NLGN1: variants seen among roughly 807,000 people sequenced by gnomAD.
NLGN1 encodes neuroligin 1.
A neutral mutation model predicts 65.5 loss-of-function variants in NLGN1; 12 were observed. The observed-to-expected ratio is 0.18, with a 90% CI of 0.12 to 0.30. The LOEUF is 0.30. Ranked by LOEUF, NLGN1 falls within the 10% of genes least tolerant of loss-of-function variation. NLGN1 has a pLI of 1.00. For missense variants in NLGN1, 750 were observed against 1,007.1 expected (o/e 0.74, Z 3.46); for synonymous variants, 350 against 359.5 (o/e 0.97, Z 0.30).
intron 4 of NLGN1, among the ~76,000 whole-genome samples, chr3:174,069,460 G>A (rs1580122944): frequency 6.6e-6 from 1 of 152,314 alleles, no homozygotes; most frequent in African/African-American, 2.4e-5. Flanking sequence ...GATGATCATA[G>A]TGGGAATGAT....
intron 4 of NLGN1, among the ~76,000 whole-genome samples, chr3:173,997,223 G>A (rs999552610): frequency 6.6e-6 from 1 of 151,974 alleles, no homozygotes; most frequent in Admixed American, 6.6e-5. Flanking sequence ...AATTATCTTG[G>A]AATGGGACTT....
rs968209621 is a variant in NLGN1, at chr3:173,510,633, C to A, written c.-321+75555C>A. Among the ~76,000 whole-genome samples, 9 of 152,168 alleles carry A rather than the reference C, an allele frequency of 5.9e-5. 1 individual carries two copies. The highest frequency in any genetic ancestry group is 2.6e-4 in the Admixed American group (4 of 15,268). On this transcript the variant is annotated intron_variant, in intron 2 of 6. Coordinates refer to ENST00000457714, the Ensembl canonical transcript of NLGN1. ...CAAGAATGATAGTAGATGCCAGAAG[C>A]TAAATAAACCTTTTGTCATACTGCT...
At chr3:173,999,349 C>A (rs1387791390) in intron 4 of NLGN1, among the ~76,000 whole-genome samples, 1 of 151,776 alleles carries the variant, frequency 6.6e-6, no homozygotes, top group Non-Finnish European at 1.5e-5. Flanking sequence ...TTTCCAACTT[C>A]TACTCAGCAA....
At chr3:173,626,787 C>T in intron 3 of NLGN1, among the ~76,000 whole-genome samples, 1 of 152,040 alleles carries the variant, frequency 6.6e-6, no homozygotes, top group East Asian at 1.9e-4. Flanking sequence ...AAACTTGTCA[C>T]ACCTTTTCTT....
chr3:173,993,779 T>C (rs190437825), intron 4 of NLGN1, among the ~76,000 whole-genome samples: 3 of 151,984 alleles, frequency 2.0e-5, no homozygotes, highest in Non-Finnish European at 4.4e-5. Flanking sequence ...TGTATATATA[T>C]ATAAATGGTA....
chr3:173,831,601 A>G (rs1409378036), intron 4 of NLGN1, among the ~76,000 whole-genome samples: 1 of 152,170 alleles, frequency 6.6e-6, no homozygotes, highest in East Asian at 1.9e-4. Context: ...AAAAAGTACA[A>G]TGTTTGTACT....
chr3:174,236,129 G>A (rs140967882), intron 4 of NLGN1, among the ~76,000 whole-genome samples: 7 of 152,062 alleles, frequency 4.6e-5, no homozygotes, highest in African/African-American at 1.7e-4. Context: ...ATGCTTTTTT[G>A]GAATCTATAA....
At chr3:173,794,882 A>T (rs1713685577) in intron 3 of NLGN1, among the ~76,000 whole-genome samples, 1 of 152,156 alleles carries the variant, frequency 6.6e-6, no homozygotes, top group African/African-American at 2.4e-5. Context: ...ACTATTTTTT[A>T]AATAAATACA....
intron 4 of NLGN1, among the ~76,000 whole-genome samples, chr3:173,907,740 ACCCCCGG>A: frequency 6.6e-6 from 1 of 151,606 alleles, no homozygotes; most frequent in African/African-American, 2.4e-5. Flanking sequence ...ATGCTTCACC[ACCCCCGG>A]CTAATTTTTG....
intron 4 of NLGN1, among the ~76,000 whole-genome samples, chr3:173,946,287 G>A (rs1412112151): frequency 6.6e-6 from 1 of 151,814 alleles, no homozygotes; most frequent in Admixed American, 6.6e-5. Flanking sequence ...CATTTCTTTG[G>A]GCATTTAGAT....
chr3:173,600,986 A>T (rs1314835085), intron 2 of NLGN1, among the ~76,000 whole-genome samples: 1 of 151,948 alleles, frequency 6.6e-6, no homozygotes, highest in Non-Finnish European at 1.5e-5. Flanking sequence ...TAAGGGAGAA[A>T]ATGTATTACC....
rs1310226245 is a variant in NLGN1 at position 173,861,561 on chromosome 3, TAC to T, written c.646+53739_646+53740del. Among the ~76,000 whole-genome samples the T allele has an allele frequency of 1.5e-4, 22 of 148,136 alleles. 1 individual carries two copies. Among genetic ancestry groups the T allele is most frequent in the Middle Eastern group, 3.7e-3 (1 of 270 alleles). On this transcript the variant is annotated intron_variant, in intron 4 of 6. Transcript: ENST00000457714. Reference sequence around the variant, plus strand: ...GTGTGTGTGTGTGTGTGTGTGTATATACACACACACATATATATACACACACA... The same window carrying T: ...GTGTGTGTGTGTGTGTGTGTGTATATACACACACATATATATACACACACA...
chr3:173,759,837 T>G (rs1222093799), intron 3 of NLGN1, among the ~76,000 whole-genome samples: 1 of 151,950 alleles, frequency 6.6e-6, no homozygotes, highest in African/African-American at 2.4e-5. Flanking sequence ...TTATTTTTAT[T>G]TTTAAATTAT....
intron 4 of NLGN1, among the ~76,000 whole-genome samples, chr3:173,850,333 T>C (rs1367614275): frequency 1.3e-5 from 2 of 152,152 alleles, no homozygotes; most frequent in East Asian, 3.9e-4. Context: ...ATGCTGACAT[T>C]CAATAACATA....
At chr3:173,534,919 A>G (rs1386274027) in intron 2 of NLGN1, among the ~76,000 whole-genome samples, 2 of 152,220 alleles carry the variant, frequency 1.3e-5, no homozygotes, top group Non-Finnish European at 2.9e-5. Flanking sequence ...AATAAATTCA[A>G]ATTTCCTTAA....
chr3:173,882,816 A>G (rs1733592611), intron 4 of NLGN1, among the ~76,000 whole-genome samples: 1 of 152,246 alleles, frequency 6.6e-6, no homozygotes, highest in Non-Finnish European at 1.5e-5. Context: ...TTGTATTCAC[A>G]ACTGGGCTGT....
chr3:174,262,716 C>G (rs1357483353), intron 4 of NLGN1, among the ~76,000 whole-genome samples: 1 of 141,602 alleles, frequency 7.1e-6, no homozygotes, highest in Admixed American at 7.2e-5. Flanking sequence ...TTATTTCTTG[C>G]CTTCTGCTAG....
intron 3 of NLGN1, among the ~76,000 whole-genome samples, chr3:173,630,310 T>C (rs977889615): frequency 5.3e-5 from 8 of 152,284 alleles, no homozygotes; most frequent in African/African-American, 1.4e-4. Flanking sequence ...GAATGTTAAG[T>C]TCTAGAATCC....
chr3:174,264,289 G>C (rs1398143379), intron 4 of NLGN1, among the ~76,000 whole-genome samples: 1 of 150,576 alleles, frequency 6.6e-6, no homozygotes, highest in Admixed American at 6.6e-5. Flanking sequence ...TTCCAACTTG[G>C]TTCCATTCTC....
Sources: gnomAD v4.1 joint callset for allele counts (sites outside exome capture counted in the v4.1 genomes callset) on GRCh38, gnomAD v4.1.1 for gene constraint, MANE v1.5 for transcripts, NCBI Gene and HGNC (gene_info 2026-07-23, HGNC 2026-07-21) for gene names.